C4orf50: variants seen among roughly 807,000 people sequenced by gnomAD.
C4orf50 encodes the protein chromosome 4 open reading frame 50.
A neutral mutation model predicts 77.2 loss-of-function variants in C4orf50; 80 were observed. That is an observed-to-expected ratio of 1.04 (90% confidence interval 0.87 to 1.25). The LOEUF (loss-of-function observed/expected upper bound fraction) is 1.25. Ranked by LOEUF, C4orf50 falls within the 50% of genes most tolerant of loss-of-function variation. The pLI, the probability that C4orf50 is intolerant of heterozygous loss-of-function variation, is 0.00. For missense variants in C4orf50, 1,257 were observed against 1,152.9 expected (o/e 1.09, Z -1.31); for synonymous variants, 532 against 465.3 (o/e 1.14, Z -1.84).
At chr4:5,987,618 G>C (rs1577969085) in intron 28 of C4orf50, among the ~76,000 whole-genome samples, 1 of 151,592 alleles carries the variant, frequency 6.6e-6, no homozygotes, top group East Asian at 1.9e-4. Flanking sequence ...GGCAGGAGGG[G>C]GAGAGCAAGA....
At chr4:5,931,383 G>T (rs1289541824) in intron 7 of C4orf50, among the ~76,000 whole-genome samples, 1 of 152,204 alleles carries the variant, frequency 6.6e-6, no homozygotes, top group Non-Finnish European at 1.5e-5. Context: ...CTTTGCATTT[G>T]AACAGAGTTT....
At chr4:5,989,448 A>G (rs1346673727) in exon 28 of C4orf50, 6 of 1,536,004 alleles carry the variant, frequency 3.9e-6, no homozygotes, top group African/African-American at 1.4e-5. Flanking sequence ...TCGCTTCTTC[A>G]TTAGAACAAA....
At chr4:5,974,983 T>C (rs543268476) in intron 30 of C4orf50, among the ~76,000 whole-genome samples, 47 of 150,888 alleles carry the variant, frequency 3.1e-4, no homozygotes, top group Non-Finnish European at 5.6e-4. Flanking sequence ...CTACTAAAAA[T>C]ACAAAAATTA....
At chr4:5,942,947 T>C (rs1261631014) in intron 7 of C4orf50, among the ~76,000 whole-genome samples, 1 of 152,256 alleles carries the variant, frequency 6.6e-6, no homozygotes, top group Non-Finnish European at 1.5e-5. Flanking sequence ...TCACTTTATT[T>C]TTTTAATTTT....
chr4:5,952,946 G>A (rs1160159323), downstream of C4orf50, among the ~76,000 whole-genome samples: 1 of 152,220 alleles, frequency 6.6e-6, no homozygotes, highest in African/African-American at 2.4e-5. The surrounding 1 kb of genome is among the most constrained non-coding windows in gnomAD (Gnocchi z 4.4). Flanking sequence ...CCATTGTGAA[G>A]ACATTCAAGG....
rs138928790 is a variant in C4orf50, at chr4:5,973,658, C to T, written c.4104+1G>A. On this transcript the variant is annotated splice_donor_variant, in intron 31 of 33. Coordinates refer to ENST00000531445, the Ensembl canonical transcript of C4orf50. LOFTEE classifies it high-confidence loss of function. The stretch of plus-strand genomic sequence containing the variant: ...AGACAGGGCCATCTCTGGGACTCTA[C>T]CTCTGGGACTCCCGGAGCCAGGAAG... 16,444 of 1,609,764 alleles carry T rather than the reference C, an allele frequency of 0.01. 114 individuals carry two copies. Among genetic ancestry groups the T allele is most frequent in the Non-Finnish European group, 0.011 (13,059 of 1,177,276 alleles).
intron 28 of C4orf50, among the ~76,000 whole-genome samples, chr4:5,984,607 G>C (rs1399438176): frequency 2.0e-5 from 3 of 152,094 alleles, no homozygotes; most frequent in African/African-American, 7.2e-5. Context: ...TTTAACAGAA[G>C]GTGGGACATG....
intron 25 of C4orf50, among the ~76,000 whole-genome samples, chr4:6,004,188 GTGA>G (rs200853748): frequency 6.7e-6 from 1 of 148,446 alleles, no homozygotes. Context: ...GATGGTGATG[GTGA>G]TGATGGTGAT....
intron 32 of C4orf50, among the ~76,000 whole-genome samples, chr4:5,966,613 C>T (rs375625224): frequency 1.2e-4 from 18 of 151,064 alleles, no homozygotes; most frequent in African/African-American, 1.9e-4. Context: ...ATGTGCACAT[C>T]GAATTATACA....
rs1721791226 is a variant in C4orf50, at chr4:6,000,638, C to A, written c.964-6162G>T. Among the ~76,000 whole-genome samples, 1 of 152,110 alleles carries A rather than the reference C, an allele frequency of 6.6e-6. No homozygotes were observed. The highest frequency in any genetic ancestry group is 6.5e-5 in the Admixed American group (1 of 15,280). ...CTTGCCTTTCCTCTGCCCCTACCTC[C>A]TTCACCCAATCTGTTTTGTCATCCT... On this transcript the variant is annotated intron_variant, in intron 25 of 33. Transcript: ENST00000531445. The surrounding 1 kb of genome is among the most constrained non-coding windows in gnomAD (Gnocchi z 6.0).
At chr4:5,922,218 C>A (rs1717307259) in intron 7 of C4orf50, among the ~76,000 whole-genome samples, 1 of 152,190 alleles carries the variant, frequency 6.6e-6, no homozygotes, top group Non-Finnish European at 1.5e-5. Context: ...GGCCGGGGCC[C>A]ACTGCGATGC....
At chr4:5,952,531 C>T (rs577529801), downstream of C4orf50, among the ~76,000 whole-genome samples, 6 of 152,272 alleles carry the variant, frequency 3.9e-5, no homozygotes, top group South Asian at 2.1e-4. This position sits in a 1 kb window ranked among gnomAD's most constrained non-coding sequence, Gnocchi z 4.4. Context: ...AAGGGACCAC[C>T]GCTCCCCACC....
chr4:5,912,359 C>T (rs1256827508), intron 7 of C4orf50, among the ~76,000 whole-genome samples: 2 of 151,502 alleles, frequency 1.3e-5, no homozygotes, highest in East Asian at 3.9e-4. Context: ...AGCAGGATAC[C>T]AATTTTGCAA....
At chr4:5,997,834 C>T (rs1721663243) in intron 25 of C4orf50, among the ~76,000 whole-genome samples, 1 of 152,148 alleles carries the variant, frequency 6.6e-6, no homozygotes, top group Admixed American at 6.5e-5. Context: ...ATAGAAGGAT[C>T]ATTTCTCTAC....
chr4:5,924,612 G>A (rs1343049218), intron 7 of C4orf50, among the ~76,000 whole-genome samples: 1 of 152,206 alleles, frequency 6.6e-6, no homozygotes, highest in Middle Eastern at 3.2e-3. Flanking sequence ...AGAACCCAGG[G>A]CGGGCCTGGA....
At chr4:6,002,053 T>C (rs941532898) in intron 25 of C4orf50, among the ~76,000 whole-genome samples, 28 of 152,130 alleles carry the variant, frequency 1.8e-4, no homozygotes, top group Admixed American at 1.8e-3. Context: ...CCAAAAGAAA[T>C]AGTACCTGAG....
Position 6,015,035 on chromosome 4 carries a change from A to C in C4orf50, c.288-3067T>G, listed in dbSNP as rs1269696852. On this transcript the variant is annotated intron_variant, in intron 23 of 33. Coordinates refer to ENST00000531445, the Ensembl canonical transcript of C4orf50. The surrounding 1 kb of genome is among the most constrained non-coding windows in gnomAD (Gnocchi z 4.4). ...GTCCATTGATCTTCTGGTTTCCACC[A>C]CCAACCTTTCTAGAAGATTTGAATG... Among the ~76,000 whole-genome samples the C allele has an allele frequency of 1.3e-5, 2 of 151,988 alleles. No individual in the cohort carries two copies. The highest frequency in any genetic ancestry group is 2.9e-5 in the Non-Finnish European group (2 of 68,002).
rs183749253 is a variant in C4orf50, at chr4:5,970,215, G to A, written c.4105-2753C>T. 3.5e-3 allele frequency among the ~76,000 whole-genome samples: 538 copies of A among 151,928 alleles called. 2 individuals carry two copies. Among genetic ancestry groups the A allele is most frequent in the African/African-American group, 0.012 (515 of 41,378 alleles). ...ATAGAGAGGAAGCAAAACAGGCCCA[G>A]GAAGGTGCCCTGAGCCCTGCTCACT... On this transcript the variant is annotated intron_variant, in intron 31 of 33. Coordinates refer to ENST00000531445, the Ensembl canonical transcript of C4orf50. The surrounding 1 kb of genome is among the most constrained non-coding windows in gnomAD (Gnocchi z 4.3).
At chr4:6,001,610 G>A (rs2108801206) in intron 25 of C4orf50, among the ~76,000 whole-genome samples, 1 of 152,270 alleles carries the variant, frequency 6.6e-6, no homozygotes, top group Middle Eastern at 3.4e-3. Context: ...GGGCTGAAAA[G>A]GGGCCTCAAC....
Sources: allele counts gnomAD v4.1 joint callset (sites outside exome capture counted in the v4.1 genomes callset), GRCh38; gene constraint gnomAD v4.1.1; non-coding constraint Gnocchi (gnomAD v3.1); transcripts MANE v1.5; gene names NCBI Gene and HGNC (gene_info 2026-07-23, HGNC 2026-07-21).